Variants in ATF1 observed in about 807,000 individuals in gnomAD.
ATF1 encodes activating transcription factor 1, also known as cyclic AMP-dependent transcription factor ATF-1.
Under a neutral mutation model 34.7 loss-of-function variants are expected in ATF1, and 16 were observed. The ratio of observed to expected loss-of-function variants is 0.46; its 90% CI spans 0.31 to 0.70. ATF1 has a LOEUF of 0.70. ATF1 is among the 30% of genes least tolerant of loss of function. The pLI is 0.05. For missense variants in ATF1, 255 were observed against 321.6 expected, an observed-to-expected ratio of 0.79 and a Z score of 1.58; for synonymous variants, 105 against 113.1, an observed-to-expected ratio of 0.93 and a Z score of 0.46.
chr12:50,771,343 C>G (rs1329314073), intron 1 of ATF1, among the ~76,000 whole-genome samples: 1 of 152,126 alleles, frequency 6.6e-6, no homozygotes, highest in Non-Finnish European at 1.5e-5. Context: ...TGCTGTTATA[C>G]TTTTTGTGTA....
At chr12:50,812,018 T>C (rs1350552779) in intron 4 of ATF1, among the ~76,000 whole-genome samples, 1 of 152,196 alleles carries the variant, frequency 6.6e-6, no homozygotes, top group Non-Finnish European at 1.5e-5. Flanking sequence ...GACTGTTGAG[T>C]GCTTGAAATA....
chr12:50,806,330 GT>G, intron 3 of ATF1: 1 of 473,276 alleles, frequency 2.1e-6, no homozygotes, highest in Non-Finnish European at 4.4e-6. Flanking sequence ...TGAAGAACTT[GT>G]TTACTTGGCT....
chr12:50,809,486 T>C lies in ATF1; in HGVS notation c.225T>C (p.Asp75=), dbSNP rs748082153. The C allele has an allele frequency of 6.2e-7, 1 of 1,613,008 alleles. No homozygotes were observed. Among genetic ancestry groups the C allele is most frequent in the African/African-American group, 1.3e-5 (1 of 74,918 alleles). The change falls in exon 4 of 7, where the codon GAT becomes GAC. Residue 75 remains aspartate, a synonymous_variant. Transcript: ENST00000262053. ...RKILKDLSSE[D]TRGRKGDGEN... ...TTTTGAAAGACTTATCTTCTGAAGA[T>C]ACACGGGGCAGAAAAGGAGACGGAG...
chr12:50,782,242 TG>T (rs1348083635), intron 2 of ATF1, among the ~76,000 whole-genome samples: 54 of 85,718 alleles, frequency 6.3e-4, no homozygotes, highest in Admixed American at 1.5e-3. Context: ...CTGTTTTTTT[TG>T]TTTGTTTGTT....
chr12:50,771,516 T>G (rs918423673), intron 1 of ATF1, among the ~76,000 whole-genome samples: 8 of 152,148 alleles, frequency 5.3e-5, no homozygotes, highest in Non-Finnish European at 7.4e-5. Context: ...AGGAATATCA[T>G]TGCCCTATTT....
chr12:50,791,883 C>T (rs1298135993), intron 2 of ATF1, among the ~76,000 whole-genome samples: 1 of 152,128 alleles, frequency 6.6e-6, no homozygotes, highest in Non-Finnish European at 1.5e-5. Context: ...AAATAAATTA[C>T]AATTTCATGA....
intron 2 of ATF1, among the ~76,000 whole-genome samples, chr12:50,782,027 A>AT (rs1344933044): frequency 6.6e-6 from 1 of 152,194 alleles, no homozygotes; most frequent in African/African-American, 2.4e-5. Flanking sequence ...TACATGGCAA[A>AT]TAACCTTTAA....
chr12:50,807,802 GTT>G (rs60898769), intron 3 of ATF1, among the ~76,000 whole-genome samples: 2 of 141,880 alleles, frequency 1.4e-5, no homozygotes, highest in Non-Finnish European at 3.1e-5. Context: ...TTGTGTGTGT[GTT>G]TTTTTTTTGT....
rs373951609 is a variant in ATF1 at position 50,814,447 on chromosome 12, G to C, written c.671+8G>C. Reference sequence around the variant, plus strand: ...AAGGTTAATGAAAAACAGGTAGGTAGTAAAATCGTAGTACCAGAATGGGTA... The same window carrying C: ...AAGGTTAATGAAAAACAGGTAGGTACTAAAATCGTAGTACCAGAATGGGTA... On this transcript the variant is annotated splice_region_variant and intron_variant, in intron 6 of 6. Transcript: ENST00000262053. 4.3e-5 allele frequency: 70 copies of C among 1,612,296 alleles called. No homozygotes were observed. The highest frequency in any genetic ancestry group is 5.9e-5 in the Non-Finnish European group (70 of 1,178,930).
rs1941916056 is a variant in ATF1, at chr12:50,819,947, A to G, written c.*168A>G. The G allele has an allele frequency of 1.8e-6, 1 of 563,768 alleles. No homozygotes were observed. Among genetic ancestry groups the G allele is most frequent in the Admixed American group, 3.8e-5 (1 of 26,020 alleles). 34.9% of individuals were successfully genotyped at this position (563,768 alleles called of 1,614,324 possible). On this transcript the variant is annotated 3_prime_UTR_variant, in exon 7 of 7. Coordinates refer to ENST00000262053, the MANE Select transcript of ATF1 (RefSeq NM_005171.5). ...CTAGTGACAGAGGAGAAAGTGGAAA[A>G]TGACCTCAAGGAAGCTACGGGCACA... is the stretch of plus-strand genomic sequence containing the variant.
At chr12:50,772,318 C>CTTTTTTTTTTT (rs71086475) in intron 1 of ATF1, among the ~76,000 whole-genome samples, 2 of 116,032 alleles carry the variant, frequency 1.7e-5, no homozygotes, top group Non-Finnish European at 3.8e-5. Context: ...TGCTCCATTC[C>CTTTTTTTTTTT]TTTTTTTTTT....
chr12:50,791,348 G>A (rs1223865124), intron 2 of ATF1, among the ~76,000 whole-genome samples: 1 of 152,156 alleles, frequency 6.6e-6, no homozygotes, highest in Non-Finnish European at 1.5e-5. Context: ...CTGAGGTCAG[G>A]AGTTCGAGAC....
intron 3 of ATF1, among the ~76,000 whole-genome samples, chr12:50,800,086 A>G (rs1941483752): frequency 1.3e-5 from 2 of 152,268 alleles, no homozygotes; most frequent in Admixed American, 1.3e-4. Flanking sequence ...AGCTAAAGTT[A>G]AAGAAATCTT....
chr12:50,813,919 T>C, intron 4 of ATF1, 91 bp from the exon 5 acceptor site: 2 of 1,278,846 alleles, frequency 1.6e-6, no homozygotes, highest in Non-Finnish European at 2.1e-6. Flanking sequence ...CATACCTGTT[T>C]TAGTAAATAG....
At chr12:50,782,342 G>A (rs1010531787) in intron 2 of ATF1, among the ~76,000 whole-genome samples, 26 of 151,748 alleles carry the variant, frequency 1.7e-4, no homozygotes, top group South Asian at 4.1e-4. Flanking sequence ...TGCAACCTCC[G>A]CCTTCCAGGT....
intron 1 of ATF1, 30 bp downstream of exon 1, chr12:50,764,337 C>G (rs1592159187): frequency 1.3e-5 from 2 of 151,100 alleles, no homozygotes; most frequent in South Asian, 4.2e-4. Flanking sequence ...GGACGTGCCC[C>G]GTGGCCCGGG....
At chr12:50,777,669 T>C (rs991086030) in intron 1 of ATF1, among the ~76,000 whole-genome samples, 1 of 151,604 alleles carries the variant, frequency 6.6e-6, no homozygotes, top group Non-Finnish European at 1.5e-5. Flanking sequence ...TAGTCCCAGC[T>C]ACTCAGGAGG....
intron 2 of ATF1, among the ~76,000 whole-genome samples, chr12:50,781,254 A>G (rs917665106): frequency 1.3e-5 from 2 of 152,152 alleles, no homozygotes; most frequent in Admixed American, 1.3e-4. Flanking sequence ...ATTACTTTTA[A>G]TACCTAATAC....
At chr12:50,775,838 A>C (rs887167312) in intron 1 of ATF1, among the ~76,000 whole-genome samples, 1 of 152,182 alleles carries the variant, frequency 6.6e-6, no homozygotes, top group East Asian at 1.9e-4. Flanking sequence ...CAGAAGGTAC[A>C]TGATTTTGTC....
Sources: gnomAD v4.1 joint callset for allele counts (sites outside exome capture counted in the v4.1 genomes callset) on GRCh38, gnomAD v4.1.1 for gene constraint, MANE v1.5 for transcripts, NCBI Gene and HGNC (gene_info 2026-07-23, HGNC 2026-07-21) for gene names.